The following PDGFC variants were observed in gnomAD, a reference collection of about 807,000 sequenced individuals.
PDGFC encodes the protein platelet derived growth factor C, also known as platelet-derived growth factor C.
A neutral mutation model predicts 35.5 loss-of-function variants in PDGFC; 12 were observed. The observed-to-expected ratio is 0.34, with a 90% CI of 0.22 to 0.55. The LOEUF is 0.55. Among genes scored for constraint, PDGFC ranks in the 20% least tolerant of loss-of-function variants. PDGFC has a pLI of 0.91. For missense variants in PDGFC, 322 were observed against 412.4 expected, an observed-to-expected ratio of 0.78 and a Z score of 1.90; for synonymous variants, 159 against 148.8, an observed-to-expected ratio of 1.07 and a Z score of -0.50.
chr4:156,940,631 G>A (rs1294068503), intron 1 of PDGFC, among the ~76,000 whole-genome samples: 3 of 152,076 alleles, frequency 2.0e-5, no homozygotes, highest in Non-Finnish European at 2.9e-5. Context: ...AGTGTGGTCT[G>A]GGAATTTCTG....
chr4:156,917,671 G>A (rs1477766171), intron 1 of PDGFC, among the ~76,000 whole-genome samples: 1 of 152,158 alleles, frequency 6.6e-6, no homozygotes, highest in East Asian at 1.9e-4. Context: ...CTCTGGGTTG[G>A]TGAAATATTT....
intron 2 of PDGFC, among the ~76,000 whole-genome samples, chr4:156,837,613 A>G (rs1729093822): frequency 6.6e-6 from 1 of 152,042 alleles, no homozygotes; most frequent in Non-Finnish European, 1.5e-5. Flanking sequence ...GACACAAAAA[A>G]TGGCATTCCA....
intron 2 of PDGFC, among the ~76,000 whole-genome samples, chr4:156,838,077 A>G (rs1375704182): frequency 6.6e-6 from 1 of 152,190 alleles, no homozygotes; most frequent in East Asian, 1.9e-4. Flanking sequence ...GTTGCTGGAA[A>G]GGGCATTGGC....
chr4:156,949,930 C>T (rs1046764025), intron 1 of PDGFC, among the ~76,000 whole-genome samples: 1 of 151,838 alleles, frequency 6.6e-6, no homozygotes, highest in Non-Finnish European at 1.5e-5. Flanking sequence ...AAGCAGTAAG[C>T]ATAACAGGAA....
At chr4:156,881,295 G>GGTAT (rs1730235382) in intron 1 of PDGFC, among the ~76,000 whole-genome samples, 1 of 152,080 alleles carries the variant, frequency 6.6e-6, no homozygotes, top group Non-Finnish European at 1.5e-5. Flanking sequence ...TTTTACTTAA[G>GGTAT]GTATGTACAT....
intron 1 of PDGFC, chr4:156,967,291 A>G (rs2110989201): frequency 6.6e-6 from 1 of 152,282 alleles, no homozygotes; most frequent in Non-Finnish European, 1.5e-5. Context: ...TAGATACAGG[A>G]GCATTGACAG....
chr4:156,804,380 G>A (rs539237205), intron 3 of PDGFC, among the ~76,000 whole-genome samples: 4 of 152,030 alleles, frequency 2.6e-5, no homozygotes, highest in African/African-American at 9.6e-5. Context: ...TGACTAATCT[G>A]GTAACAAGCA....
At chr4:156,907,454 G>A (rs148535547) in intron 1 of PDGFC, among the ~76,000 whole-genome samples, 2,486 of 152,256 alleles carry the variant, frequency 0.016, 74 homozygotes, top group African/African-American at 0.057. Flanking sequence ...AAAGGTTTAA[G>A]GGTTTCATCT....
At chr4:156,822,349 A>T (rs1732289611) in intron 2 of PDGFC, among the ~76,000 whole-genome samples, 1 of 125,986 alleles carries the variant, frequency 7.9e-6, no homozygotes, top group African/African-American at 3.4e-5. Flanking sequence ...ACGGAGTGAA[A>T]CTGTCTCAAA....
At chr4:156,785,466 A>C (rs536207288) in intron 3 of PDGFC, among the ~76,000 whole-genome samples, 27 of 152,232 alleles carry the variant, frequency 1.8e-4, no homozygotes, top group African/African-American at 6.5e-4. Context: ...TGCCAGCCTC[A>C]GCCTCCCAAA....
chr4:156,904,416 T>C (rs1282154594), intron 1 of PDGFC, among the ~76,000 whole-genome samples: 1 of 152,034 alleles, frequency 6.6e-6, no homozygotes, highest in East Asian at 1.9e-4. Context: ...TCTTGAACAT[T>C]AAATAAAATA....
chr4:156,765,524 G>T (rs1280716165), intron 5 of PDGFC, among the ~76,000 whole-genome samples: 1 of 152,094 alleles, frequency 6.6e-6, no homozygotes, highest in Non-Finnish European at 1.5e-5. Context: ...AGAGCACTGG[G>T]AACAGGGATT....
intron 1 of PDGFC, among the ~76,000 whole-genome samples, chr4:156,940,831 G>A (rs1405513543): frequency 6.6e-6 from 1 of 152,072 alleles, no homozygotes; most frequent in Admixed American, 6.6e-5. Context: ...TTGTCTTCAA[G>A]TAAGCCAGAC....
intron 1 of PDGFC, among the ~76,000 whole-genome samples, chr4:156,893,086 G>A (rs1560860662): frequency 6.6e-6 from 1 of 151,974 alleles, no homozygotes; most frequent in Non-Finnish European, 1.5e-5. Context: ...ATTTGACATT[G>A]CAATATCCTC....
At chr4:156,905,572 T>C (rs1327255975) in intron 1 of PDGFC, among the ~76,000 whole-genome samples, 1 of 152,122 alleles carries the variant, frequency 6.6e-6, no homozygotes, top group Admixed American at 6.5e-5. Flanking sequence ...AGCTTCACAT[T>C]CTGTCTAAAA....
chr4:156,868,003 C>T (rs941534553), intron 1 of PDGFC, among the ~76,000 whole-genome samples: 7 of 152,028 alleles, frequency 4.6e-5, no homozygotes, highest in Non-Finnish European at 8.8e-5. Flanking sequence ...TCAGCCTCCC[C>T]AGTAGCTGGG....
chr4:156,846,591 A>G (rs761267956), intron 2 of PDGFC, among the ~76,000 whole-genome samples: 5 of 151,794 alleles, frequency 3.3e-5, no homozygotes, highest in Non-Finnish European at 4.4e-5. Flanking sequence ...GATCAAAAAG[A>G]TGAAAAAATG....
chr4:156,927,996 A>C (rs901374786), intron 1 of PDGFC, among the ~76,000 whole-genome samples: 1 of 152,176 alleles, frequency 6.6e-6, no homozygotes. Context: ...GTGAAAGGCA[A>C]TCCTTACATG....
At chr4:156,967,081 G>C (rs1174687594) in intron 1 of PDGFC, among the ~76,000 whole-genome samples, 1 of 145,626 alleles carries the variant, frequency 6.9e-6, no homozygotes, top group Non-Finnish European at 1.5e-5. Context: ...ATGTCAAAAA[G>C]GTCACGCAAT....
Sources: allele counts gnomAD v4.1 joint callset (sites outside exome capture counted in the v4.1 genomes callset), GRCh38; gene constraint gnomAD v4.1.1; transcripts MANE v1.5; gene names NCBI Gene and HGNC (gene_info 2026-07-23, HGNC 2026-07-21).